The following NECAB2 variants were observed in gnomAD, a reference collection of about 807,000 sequenced individuals.
The protein encoded by NECAB2 is N-terminal EF-hand calcium binding protein 2.
A neutral mutation model predicts 51.9 loss-of-function variants in NECAB2; 68 were observed. The ratio of observed to expected loss-of-function variants is 1.31; its 90% CI spans 1.08 to 1.60. The LOEUF is 1.60. Among genes scored for constraint, NECAB2 ranks in the 40% most tolerant of loss-of-function variants. The probability of loss-of-function intolerance (pLI) is 0.00; values close to 1 mark genes in which losing one functional copy is unlikely to be tolerated. For synonymous variants in NECAB2, 329 were observed against 203.5 expected (o/e 1.62, Z -5.25); for missense variants, 854 against 490.3 (o/e 1.74, Z -7.00).
chr16:83,986,445 A>AT (rs1428500213), intron 5 of NECAB2, among the ~76,000 whole-genome samples: 5 of 152,272 alleles, frequency 3.3e-5, no homozygotes, highest in African/African-American at 1.2e-4. Context: ...GAATAAATGC[A>AT]TGAATGGTCA....
At chr16:83,987,465 A>G (rs2084570577) in intron 5 of NECAB2, among the ~76,000 whole-genome samples, 1 of 152,212 alleles carries the variant, frequency 6.6e-6, no homozygotes, top group South Asian at 2.1e-4. Flanking sequence ...TGCAAAATTT[A>G]GGGAGTAAAG....
chr16:83,988,126 C>G (rs184894741), intron 5 of NECAB2, among the ~76,000 whole-genome samples: 1 of 152,154 alleles, frequency 6.6e-6, no homozygotes, highest in Admixed American at 6.5e-5. Flanking sequence ...GGTTTAGGTG[C>G]GCTTCTGATG....
chr16:83,999,018 C>T (rs931577523), intron 10 of NECAB2, among the ~76,000 whole-genome samples: 1 of 152,162 alleles, frequency 6.6e-6, no homozygotes, highest in African/African-American at 2.4e-5. Context: ...ACTCCCTTCC[C>T]AGGGCTTTCT....
At chr16:83,985,470 T>A (rs1002642216) in intron 5 of NECAB2, among the ~76,000 whole-genome samples, 1 of 150,812 alleles carries the variant, frequency 6.6e-6, no homozygotes, top group Non-Finnish European at 1.5e-5. Context: ...CCGTCTCTAC[T>A]AAAAATACAA....
upstream of NECAB2, chr16:83,965,716 G>A (rs772329991): frequency 6.2e-7 from 1 of 1,613,674 alleles, no homozygotes. Context: ...AGGACCTCGA[G>A]GGTGTCGAGA....
chr16:84,001,709 C>A (rs182970113), intron 11 of NECAB2, 116 bp from the exon 12 acceptor site: 10 of 1,065,692 alleles, frequency 9.4e-6, no homozygotes, highest in Non-Finnish European at 1.2e-5. Flanking sequence ...AGTCCAAAGA[C>A]CCCCCGTGCT....
intron 6 of NECAB2, chr16:83,993,752 C>T (rs1485301828): frequency 6.2e-6 from 1 of 160,256 alleles, no homozygotes; most frequent in Non-Finnish European, 1.4e-5. Flanking sequence ...GAGGGGTGTC[C>T]AGGGCCGGGA....
chr16:83,976,862 C>T (rs1366649699), intron 2 of NECAB2, among the ~76,000 whole-genome samples: 1 of 152,220 alleles, frequency 6.6e-6, no homozygotes, highest in South Asian at 2.1e-4. Flanking sequence ...TATGCTCTCA[C>T]CCTGTGTTGA....
chr16:83,965,520 G>A (rs145684148), upstream of NECAB2: 46 of 1,612,160 alleles, frequency 2.9e-5, no homozygotes, highest in African/African-American at 6.7e-5. Flanking sequence ...CATGCCTTCC[G>A]CCGGGCCGTG....
chr16:83,988,617 T>C (rs2084584037), intron 5 of NECAB2, among the ~76,000 whole-genome samples: 1 of 152,214 alleles, frequency 6.6e-6, no homozygotes, highest in South Asian at 2.1e-4. Context: ...TGAAGAACTC[T>C]CTCTAATTCA....
upstream of NECAB2, chr16:83,966,162 CT>C: frequency 6.2e-6 from 4 of 646,282 alleles, no homozygotes; most frequent in Non-Finnish European, 1.0e-5. Flanking sequence ...CCAGGCTGCC[CT>C]GGACTTAGAC....
At position 83,968,463 on chromosome 16, in the gene NECAB2, A is replaced by C. The variant is rs1425159893; in HGVS notation, c.-186A>C. 1.4e-5 allele frequency among the ~76,000 whole-genome samples: 2 copies of C among 143,686 alleles called. No individual in the cohort carries two copies. Among genetic ancestry groups the C allele is most frequent in the African/African-American group, 2.5e-5 (1 of 39,936 alleles). 94.3% of individuals were successfully genotyped at this position (143,686 alleles called of 152,430 possible). On this transcript the variant is annotated 5_prime_UTR_variant, in exon 1 of 13. Coordinates refer to ENST00000305202, the MANE Select transcript of NECAB2 (RefSeq NM_019065.3). Reference sequence around the variant, plus strand: ...GGGGTGGGGGCGGCGGGGAGCGGGCACGTGGCTCGGGGTCCGGCCGGCCCG... The same window carrying C: ...GGGGTGGGGGCGGCGGGGAGCGGGCCCGTGGCTCGGGGTCCGGCCGGCCCG...
intron 6 of NECAB2, 103 bp downstream of exon 6, chr16:83,990,733 G>T (rs779798859): frequency 3.8e-5 from 56 of 1,479,210 alleles, no homozygotes; most frequent in Non-Finnish European, 4.9e-5. Flanking sequence ...AGAGCTGGGT[G>T]ACCTTGGGCA....
At chr16:83,997,362 C>A in intron 9 of NECAB2, 93 bp downstream of exon 9, 1 of 1,516,550 alleles carries the variant, frequency 6.6e-7, no homozygotes. Context: ...TGACCCCGCT[C>A]TCCCTGCTTG....
intron 7 of NECAB2, 46 bp downstream of exon 7, chr16:83,994,466 C>T (rs533764589): frequency 1.7e-5 from 27 of 1,604,560 alleles, no homozygotes; most frequent in Admixed American, 8.3e-5. Flanking sequence ...CTGGGGGTCC[C>T]GAGGAGTTCT....
At chr16:83,999,333 C>T (rs1234260461) in intron 10 of NECAB2, among the ~76,000 whole-genome samples, 1 of 152,140 alleles carries the variant, frequency 6.6e-6, no homozygotes, top group African/African-American at 2.4e-5. Flanking sequence ...CAGACTTGAT[C>T]TTTTTCCATT....
At chr16:83,965,861 G>T (rs1258650922), upstream of NECAB2, 1 of 1,612,976 alleles carries the variant, frequency 6.2e-7, no homozygotes, top group Non-Finnish European at 8.5e-7. Context: ...CATTGACGTG[G>T]ACCCCTTCAC....
chr16:83,992,992 C>T (rs757251792), intron 6 of NECAB2, among the ~76,000 whole-genome samples: 5 of 152,196 alleles, frequency 3.3e-5, no homozygotes, highest in East Asian at 1.9e-4. Flanking sequence ...AGCTCCATCA[C>T]GCGTCAGCAG....
rs779931609 is a variant in NECAB2, at chr16:83,981,071, G to C, written c.403G>C (p.Ala135Pro). 9.3e-6 allele frequency: 15 copies of C among 1,614,046 alleles called. No homozygotes were observed. The highest frequency in any genetic ancestry group is 1.3e-5 in the African/African-American group (1 of 74,888). ...CATGGGTGACTATGAGGATGTCCTG[G>C]CCTCCCTGGAGACCTTGAATCACTC... ...DHMGDYEDVLASLETLNHSVL... is the reference protein window; with the variant it reads ...DHMGDYEDVLPSLETLNHSVL... Residue 135 changes from alanine (A) to proline (P), a missense_variant, in exon 5 of 13, where the codon GCC becomes CCC. Coordinates refer to ENST00000305202, the MANE Select transcript of NECAB2 (RefSeq NM_019065.3).
Sources: allele counts gnomAD v4.1 joint callset (sites outside exome capture counted in the v4.1 genomes callset), GRCh38; gene constraint gnomAD v4.1.1; transcripts MANE v1.5; gene names NCBI Gene and HGNC (gene_info 2026-07-23, HGNC 2026-07-21).